The following MTHFD2L variants were observed in gnomAD, a reference collection of about 807,000 sequenced individuals.
MTHFD2L encodes methylenetetrahydrofolate dehydrogenase (NADP+ dependent) 2 like.
MTHFD2L carries 29 observed loss-of-function variants against 34.9 expected under a neutral mutation model. The ratio of observed to expected loss-of-function variants is 0.83; its 90% CI spans 0.62 to 1.13. MTHFD2L has a LOEUF of 1.13. Among genes scored for constraint, MTHFD2L ranks in the 50% most tolerant of loss-of-function variants. MTHFD2L has a pLI of 0.00. For missense variants in MTHFD2L, 481 were observed against 446.5 expected (o/e 1.08, Z -0.70); for synonymous variants, 167 against 155.7 (o/e 1.07, Z -0.54).
At chr4:74,219,116 A>G (rs1737710111) in intron 5 of MTHFD2L, among the ~76,000 whole-genome samples, 1 of 152,110 alleles carries the variant, frequency 6.6e-6, no homozygotes, top group Non-Finnish European at 1.5e-5. Context: ...GGTTATATGC[A>G]AATACTATAT....
rs1027102437 is a variant in MTHFD2L, at chr4:74,150,249, T to TTTG, written c.-296-9794_-296-9792dup. Among the ~76,000 whole-genome samples, 4 of 152,230 alleles carry TTTG rather than the reference T, an allele frequency of 2.6e-5. No individual in the cohort carries two copies. In the South Asian group the frequency reaches 6.2e-4, roughly 24 times the overall value. ...TTAAAGAAATGTAACACCATAAGTTTTTGTTGTTGTTGTTTGTTTTTGAGA... is the reference window on the plus strand; with the variant it reads ...TTAAAGAAATGTAACACCATAAGTTTTTGTTGTTGTTGTTGTTTGTTTTTGAGA... On this transcript the variant is annotated intron_variant, in intron 1 of 7. Coordinates refer to the MTHFD2L transcript ENST00000433372.
intron 5 of MTHFD2L, among the ~76,000 whole-genome samples, chr4:74,212,221 C>A (rs569735747): frequency 6.6e-6 from 1 of 151,990 alleles, no homozygotes; most frequent in South Asian, 2.1e-4. Context: ...TTAGTTATTT[C>A]TTGTCTTCTG....
chr4:74,262,775 G>A (rs1217364333), intron 6 of MTHFD2L, among the ~76,000 whole-genome samples: 1 of 151,926 alleles, frequency 6.6e-6, no homozygotes, highest in Non-Finnish European at 1.5e-5. Flanking sequence ...TGCTGATGAA[G>A]TTATGCTTTA....
At chr4:74,130,022 C>G (rs1722358890) in intron 1 of MTHFD2L, among the ~76,000 whole-genome samples, 1 of 152,056 alleles carries the variant, frequency 6.6e-6, no homozygotes, top group Non-Finnish European at 1.5e-5. Flanking sequence ...TACACCCTCC[C>G]AAGACTAAAC....
chr4:74,239,343 G>C (rs184154912), intron 6 of MTHFD2L, among the ~76,000 whole-genome samples: 13 of 152,152 alleles, frequency 8.5e-5, no homozygotes, highest in South Asian at 2.1e-4. Context: ...CGTAGTTTGG[G>C]GGGGCAGAGG....
chr4:74,194,173 G>T (rs1733071731), intron 3 of MTHFD2L: 1 of 152,060 alleles, frequency 6.6e-6, no homozygotes, highest in African/African-American at 2.4e-5. Flanking sequence ...TTTGTTCAGG[G>T]GTCATTCAGA....
intron 1 of MTHFD2L, among the ~76,000 whole-genome samples, chr4:74,151,472 T>C (rs1723937554): frequency 6.6e-6 from 1 of 152,192 alleles, no homozygotes; most frequent in Non-Finnish European, 1.5e-5. Context: ...CAGTTAGAAG[T>C]GTGGGCACTG....
intron 5 of MTHFD2L, among the ~76,000 whole-genome samples, chr4:74,211,675 GT>G (rs1017048400): frequency 3.9e-5 from 6 of 152,146 alleles, no homozygotes; most frequent in Non-Finnish European, 2.9e-5. Context: ...CCAGGTTTTG[GT>G]ATCAGGATGA....
chr4:74,261,392 C>G (rs1049204495), intron 6 of MTHFD2L, among the ~76,000 whole-genome samples: 5 of 151,784 alleles, frequency 3.3e-5, no homozygotes, highest in African/African-American at 1.2e-4. Context: ...AGTAATAAAA[C>G]TATAAAATTC....
intron 5 of MTHFD2L, among the ~76,000 whole-genome samples, chr4:74,211,839 A>G (rs763871217): frequency 4.0e-5 from 6 of 151,722 alleles, no homozygotes; most frequent in Non-Finnish European, 7.4e-5. Context: ...TTGGTAGGCT[A>G]TTAATCACTG....
chr4:74,293,543 G>A, intron 7 of MTHFD2L: 1 of 983,108 alleles, frequency 1.0e-6, no homozygotes, highest in Non-Finnish European at 1.2e-6. Flanking sequence ...GAAACCTCAA[G>A]ATTCAGCAAC....
At chr4:74,255,305 G>C (rs1743889944) in intron 6 of MTHFD2L, among the ~76,000 whole-genome samples, 1 of 151,974 alleles carries the variant, frequency 6.6e-6, no homozygotes, top group African/African-American at 2.4e-5. Flanking sequence ...AGTTGTAACT[G>C]TAAGATATTT....
chr4:74,299,449 T>C (rs963153718), intron 7 of MTHFD2L, among the ~76,000 whole-genome samples: 10 of 151,894 alleles, frequency 6.6e-5, no homozygotes, highest in Admixed American at 4.6e-4. Flanking sequence ...ATGTTACTTC[T>C]AAAGACCTGC....
chr4:74,294,338 A>AT (rs113914066), intron 7 of MTHFD2L, among the ~76,000 whole-genome samples: 9,159 of 152,154 alleles, frequency 0.06, 632 homozygotes, highest in African/African-American at 0.16. Flanking sequence ...TTGCCAAGGA[A>AT]TTAGAGAGTA....
upstream of MTHFD2L, chr4:74,157,501 T>C (rs1192260644): frequency 1.9e-5 from 7 of 374,818 alleles, no homozygotes; most frequent in East Asian, 5.1e-4. Flanking sequence ...TTAGCCTGCA[T>C]CGACTTGATC....
chr4:74,195,672 C>G (rs577927236), intron 3 of MTHFD2L: 2 of 152,236 alleles, frequency 1.3e-5, no homozygotes, highest in Non-Finnish European at 2.9e-5. Flanking sequence ...ACCCATTAGA[C>G]AGCCTCAGAG....
At chr4:74,277,288 AG>A (rs904108523) in intron 6 of MTHFD2L, among the ~76,000 whole-genome samples, 2 of 151,938 alleles carry the variant, frequency 1.3e-5, no homozygotes, top group African/African-American at 4.8e-5. Context: ...ATTGTGACAC[AG>A]CTGAGGGAAC....
At chr4:74,268,180 G>T (rs1410178568) in intron 6 of MTHFD2L, 1 of 982,506 alleles carries the variant, frequency 1.0e-6, no homozygotes, top group Non-Finnish European at 1.2e-6. Context: ...AGACACTGAG[G>T]TTTTTGTATT....
upstream of MTHFD2L, among the ~76,000 whole-genome samples, chr4:74,156,116 C>T (rs1372112367): frequency 6.6e-6 from 1 of 152,038 alleles, no homozygotes; most frequent in Non-Finnish European, 1.5e-5. Flanking sequence ...TTGTTTCCCT[C>T]TTCCTGTTGT....
Sources: gnomAD v4.1 joint callset for allele counts (sites outside exome capture counted in the v4.1 genomes callset) on GRCh38, gnomAD v4.1.1 for gene constraint, MANE v1.5 for transcripts, NCBI Gene and HGNC (gene_info 2026-07-23, HGNC 2026-07-21) for gene names.